ITIH4: variants seen among roughly 807,000 people sequenced by gnomAD.
ITIH4 encodes inter-alpha-trypsin inhibitor heavy chain H4.
In ITIH4, 79 loss-of-function variants were observed where a neutral mutation model predicts 111.8. The observed-to-expected ratio is 0.71, with a 90% CI of 0.59 to 0.85. The LOEUF is 0.85. Among genes scored for constraint, ITIH4 ranks in the 40% least tolerant of loss-of-function variants. The probability of loss-of-function intolerance (pLI) is 0.00; values close to 1 mark genes in which losing one functional copy is unlikely to be tolerated. For missense variants in ITIH4, 1,065 were observed against 1,195.8 expected, an observed-to-expected ratio of 0.89 and a Z score of 1.61; for synonymous variants, 472 against 468.3, an observed-to-expected ratio of 1.01 and a Z score of -0.10.
rs1426762249 is a variant in ITIH4 at position 52,827,074 on chromosome 3, C to T, written c.356+19G>A. Reference sequence around the variant, plus strand: ...TTTGTCTAGACCCTCCCCACTGAAGCTGCCCCCCACCAGCTCACTTGACGA... The same window carrying T: ...TTTGTCTAGACCCTCCCCACTGAAGTTGCCCCCCACCAGCTCACTTGACGA... On this transcript the variant is annotated intron_variant, in intron 3 of 23. Transcript: ENST00000266041. 4 of 1,612,746 alleles carry T rather than the reference C, an allele frequency of 2.5e-6. No individual in the cohort carries two copies. The South Asian group carries it at 4.4e-5, about 18-fold the overall frequency.
intron 17 of ITIH4, chr3:52,819,090 C>G: frequency 2.5e-6 from 1 of 392,930 alleles, no homozygotes; most frequent in Non-Finnish European, 4.7e-6. Flanking sequence ...GTCTGACAAC[C>G]TAGGGGCAGC....
Position 52,824,779 on chromosome 3 carries a change from C to A in ITIH4, c.876+63G>T. The A allele has an allele frequency of 7.1e-7, 1 of 1,401,984 alleles. No homozygotes were observed. The highest frequency in any genetic ancestry group is 1.2e-5 in the South Asian group (1 of 80,484). 86.8% of individuals were successfully genotyped at this position (1,401,984 alleles called of 1,614,324 possible). On this transcript the variant is annotated intron_variant, in intron 7 of 23. Transcript: ENST00000266041. The surrounding 1 kb of genome is among the most constrained non-coding windows in gnomAD (Gnocchi z 4.3). ...AAGCAAGGGGGTCTGCCTGCCGGAC[C>A]ACAGCTGATAGCGTGAAGGGCCTGG...
chr3:52,815,857 T>C (rs1700271694), intron 21 of ITIH4, among the ~76,000 whole-genome samples: 1 of 152,020 alleles, frequency 6.6e-6, no homozygotes, highest in Admixed American at 6.6e-5. Flanking sequence ...AGCTAGTTTT[T>C]GTATTTTTAG....
intron 5 of ITIH4, 107 bp downstream of exon 5, chr3:52,826,434 G>T: frequency 1.2e-6 from 1 of 821,006 alleles, no homozygotes; most frequent in Non-Finnish European, 2.1e-6. Context: ...CCAGGTCACA[G>T]CTCACAGGAG....
At chr3:52,819,223 C>T in intron 17 of ITIH4, 170 bp downstream of exon 17, 2 of 697,952 alleles carry the variant, frequency 2.9e-6, no homozygotes, top group South Asian at 1.9e-5. Flanking sequence ...ACCCCAGCCC[C>T]AGTAAATGAT....
At position 52,821,157 on chromosome 3, in the gene ITIH4, G is replaced by C. The variant is rs760458249; in HGVS notation, c.1540-27C>G. 17 of 1,604,964 alleles carry C rather than the reference G, an allele frequency of 1.1e-5. No homozygotes were observed. In the East Asian group the frequency reaches 3.3e-4, roughly 32 times the overall value. The stretch of plus-strand genomic sequence containing the variant: ...TGGAAAGAGGGGCCCAGCCAGGGCA[G>C]GAGCAGTGAGGGCCGGACATCTGCA... On this transcript the variant is annotated intron_variant, in intron 11 of 23. Transcript: ENST00000266041.
rs1482906961 is a variant in ITIH4 at position 52,821,010 on chromosome 3, G to C, written c.1660C>G (p.Gln554Glu). The change falls in exon 12 of 24, where the codon CAG becomes GAG. Residue 554 changes from glutamine (Q) to glutamate (E), a missense_variant. Gln to Glu is a conservative substitution (Grantham distance 29, BLOSUM62 2). Transcript: ENST00000266041. ...ACTCACGTTTGCTCCAGCAGCTGCT[G>C]GATAGTCAGGTATGCCCAGAGCCTC... ...MERLWAYLTIQQLLEQTVSAS... is the reference protein window; with the variant it reads ...MERLWAYLTIEQLLEQTVSAS... 6 of 1,614,040 alleles carry C rather than the reference G, an allele frequency of 3.7e-6. No homozygotes were observed.
Position 52,813,466 on chromosome 3 carries a change from C to T in ITIH4, c.2748G>A (p.Glu916=). 1 of 1,614,098 alleles carries T rather than the reference C, an allele frequency of 6.2e-7. No individual in the cohort carries two copies. The highest frequency in any genetic ancestry group is 8.5e-7 in the Non-Finnish European group (1 of 1,179,998). The change falls in exon 24 of 24, where the codon GAG becomes GAA. Residue 916 remains glutamate, a synonymous_variant. Transcript: ENST00000266041. ...AGGAAATCTCCACTCCCGGGGGCCC[C>T]TCCTGGTAATCCAGCCTGCGCTCTC... ...ATRERRLDYQ[E]GPPGVEISCW... is the part of the protein sequence containing the mutation.
chr3:52,819,912 C>A (rs772937026), intron 15 of ITIH4, 28 bp downstream of exon 15: 1 of 1,611,742 alleles, frequency 6.2e-7, no homozygotes, highest in Non-Finnish European at 8.5e-7. Flanking sequence ...CTGTCAATCT[C>A]CCCTCCCCCC....
Position 52,813,507 on chromosome 3 carries a change from G to A in ITIH4, c.2724-17C>T, listed in dbSNP as rs374669125. Reference sequence around the variant, plus strand: ...CTGCGCTCTCTGAAATGGAAAGACAGACAGATAGGCAGGTGGTCAGCAAAT... The same window carrying A: ...CTGCGCTCTCTGAAATGGAAAGACAAACAGATAGGCAGGTGGTCAGCAAAT... On this transcript the variant is annotated splice_polypyrimidine_tract_variant and intron_variant, in intron 23 of 23. Transcript: ENST00000266041. 288 of 1,611,878 alleles carry A rather than the reference G, an allele frequency of 1.8e-4. No homozygotes were observed. Among genetic ancestry groups the A allele is most frequent in the Non-Finnish European group, 2.4e-4 (279 of 1,178,104 alleles).
Position 52,826,793 on chromosome 3 carries a change from G to A in ITIH4, c.517C>T (p.Gln173Ter). The A allele has an allele frequency of 1.2e-6, 2 of 1,613,748 alleles. No individual in the cohort carries two copies. Among genetic ancestry groups the A allele is most frequent in the Non-Finnish European group, 8.5e-7 (1 of 1,179,988 alleles). Residue 173 changes from glutamine to a stop codon, truncating the protein, a stop_gained and splice_region_variant, in exon 4 of 24, where the codon CAG (glutamine) becomes TAG (stop). Coordinates refer to ENST00000266041, the MANE Select transcript of ITIH4 (RefSeq NM_002218.5). LOFTEE classifies it high-confidence loss of function. ...VRPQQLVKHLQMDIHIFEPQG... is the reference protein window; with the variant it reads ...VRPQQLVKHL ...CTGGAAGAGGTAGCAGCAGGTACCT[G>A]CAGGTGCTTGACCAGCTGCTGGGGC...
At chr3:52,821,936 T>C (rs1457491884) in intron 11 of ITIH4, among the ~76,000 whole-genome samples, 6 of 152,220 alleles carry the variant, frequency 3.9e-5, no homozygotes, top group East Asian at 1.9e-4. Flanking sequence ...TTGGCACACA[T>C]AGGCTACCTG....
rs369810808 is a variant in ITIH4, at chr3:52,814,080, C to T, written c.2627-9G>A. ...CTCCTGGTAAAACTGGCCTGAGATA[C>T]AAAGGGTGGATCAGTAAGGGTCAGA... On this transcript the variant is annotated splice_polypyrimidine_tract_variant and intron_variant, in intron 22 of 23. Coordinates refer to ENST00000266041, the MANE Select transcript of ITIH4 (RefSeq NM_002218.5). The T allele has an allele frequency of 1.2e-6, 2 of 1,613,384 alleles. No homozygotes were observed. The highest frequency in any genetic ancestry group is 2.7e-5 in the African/African-American group (2 of 75,050).
chr3:52,830,100 C>T (rs1161129608), intron 1 of ITIH4: 3 of 326,180 alleles, frequency 9.2e-6, no homozygotes, highest in African/African-American at 2.2e-5. Flanking sequence ...CTGCGACAAG[C>T]ACTGTCCTAA....
chr3:52,822,292 G>A (rs1038265354), intron 11 of ITIH4: 4 of 151,978 alleles, frequency 2.6e-5, no homozygotes, highest in African/African-American at 9.7e-5. Context: ...GCAATGAGCC[G>A]AGATCCAACC....
intron 1 of ITIH4, 76 bp from the exon 2 acceptor site, chr3:52,829,355 G>C: frequency 6.7e-7 from 1 of 1,482,184 alleles, no homozygotes; most frequent in African/African-American, 1.4e-5. Context: ...TCAAGAGTTG[G>C]CCCTGACTCT....
chr3:52,819,636 C>A (rs995753434), intron 16 of ITIH4, 118 bp from the exon 17 acceptor site: 2 of 1,576,880 alleles, frequency 1.3e-6, no homozygotes, highest in Admixed American at 1.7e-5. Context: ...CCTCTCCCCA[C>A]ACCCGGCCAA....
chr3:52,829,107 G>GA lies in ITIH4; in HGVS notation c.251+11dup. ...GGGTGTGGAGAGGGGAGGAGGGTGG[G>GA]AAGGCACCTACATGGAGAAGTTGGT... is the stretch of plus-strand genomic sequence containing the variant. On this transcript the variant is annotated intron_variant, in intron 2 of 23. Transcript: ENST00000266041. The GA allele has an allele frequency of 1.2e-6, 1 of 835,094 alleles. No individual in the cohort carries two copies. Among genetic ancestry groups the GA allele is most frequent in the South Asian group, 1.3e-5 (1 of 76,650 alleles). The allele number at this position is 835,094 out of a possible 1,614,324, so 51.7% of individuals were successfully genotyped here. A position where few individuals can be genotyped will look rare whatever the true frequency, so the allele number is the denominator to read the frequency against.
intron 16 of ITIH4, 80 bp downstream of exon 16, chr3:52,819,674 G>A (rs758629215): frequency 2.1e-5 from 34 of 1,582,932 alleles, no homozygotes; most frequent in Non-Finnish European, 2.9e-5. Context: ...CCAACAGCTG[G>A]GAGATGAACA....
Sources: gnomAD v4.1 joint callset for allele counts (sites outside exome capture counted in the v4.1 genomes callset) on GRCh38, gnomAD v4.1.1 for gene constraint, Gnocchi (gnomAD v3.1) non-coding constraint, MANE v1.5 for transcripts, NCBI Gene and HGNC (gene_info 2026-07-23, HGNC 2026-07-21) for gene names.